The following CUX2 variants were observed in gnomAD, a reference collection of about 807,000 sequenced individuals.
CUX2 encodes homeobox protein cut-like 2.
A neutral mutation model predicts 144.8 loss-of-function variants in CUX2; 40 were observed. The ratio of observed to expected loss-of-function variants is 0.28; its 90% CI spans 0.21 to 0.36. The LOEUF (loss-of-function observed/expected upper bound fraction) is 0.36, where lower values mean the gene tolerates loss of function less well. Ranked by LOEUF, CUX2 falls within the 10% of genes least tolerant of loss-of-function variation. The pLI is 1.00. For missense variants in CUX2, 1,615 were observed against 1,994.0 expected (o/e 0.81, Z 3.62); for synonymous variants, 827 against 875.6 (o/e 0.94, Z 0.98).
At chr12:111,179,540 T>A (rs1879036616) in intron 1 of CUX2, among the ~76,000 whole-genome samples, 1 of 152,144 alleles carries the variant, frequency 6.6e-6, no homozygotes, top group Non-Finnish European at 1.5e-5. Flanking sequence ...ATTGAATGGG[T>A]TAGAATGGTG....
intron 4 of CUX2, among the ~76,000 whole-genome samples, chr12:111,280,492 A>G (rs144615960): frequency 6.6e-6 from 1 of 152,114 alleles, no homozygotes; most frequent in Non-Finnish European, 1.5e-5. Flanking sequence ...AGCCTCCAAA[A>G]CACAGCAGAG....
chr12:111,329,137 T>C (rs76059240), intron 18 of CUX2, among the ~76,000 whole-genome samples: 1,574 of 149,574 alleles, frequency 0.011, 24 homozygotes, highest in African/African-American at 0.037. Context: ...TGCACCATCC[T>C]TATCTCTCCA....
intron 16 of CUX2, among the ~76,000 whole-genome samples, chr12:111,317,714 G>A (rs949405143): frequency 1.2e-4 from 18 of 152,198 alleles, no homozygotes; most frequent in Admixed American, 5.9e-4. Context: ...ATGTGATACC[G>A]ACCGGGCGCG....
In CUX2 at chr12:111,347,613, G is replaced by T; in HGVS notation, c.3749G>T (p.Gly1250Val). 6.2e-7 allele frequency: 1 copy of T among 1,613,798 alleles called. No homozygotes were observed. The highest frequency in any genetic ancestry group is 8.5e-7 in the Non-Finnish European group (1 of 1,179,900). ...PSGGPGILPP[G>V]HSHPDPTPQS... Reference sequence around the variant, plus strand: ...GGGGGTCCTGGAATCCTACCGCCAGGCCACTCCCACCCAGACCCCACCCCG... The same window carrying T: ...GGGGGTCCTGGAATCCTACCGCCAGTCCACTCCCACCCAGACCCCACCCCG... The change falls in exon 22 of 22, where the codon GGC becomes GTC. Residue 1250 changes from glycine to valine, a missense_variant. Physicochemically the swap from Gly to Val is moderately radical, Grantham distance 109 (BLOSUM62 -3). Coordinates refer to ENST00000261726, the MANE Select transcript of CUX2 (RefSeq NM_015267.4).
chr12:111,115,496 A>T lies in CUX2; in HGVS notation c.63+81256A>T, dbSNP rs549170016. 1.2e-4 allele frequency among the ~76,000 whole-genome samples: 18 copies of T among 152,200 alleles called. No individual in the cohort carries two copies. The South Asian group carries it at 3.5e-3, about 30-fold the overall frequency. On this transcript the variant is annotated intron_variant, in intron 1 of 21. Transcript: ENST00000261726. ...GAGATGGGGTTTCACCATGTTAGCC[A>T]GGATGGTCTCAATCTCCTGACCTCG...
At chr12:111,170,673 C>T (rs1264296908) in intron 1 of CUX2, among the ~76,000 whole-genome samples, 1 of 151,184 alleles carries the variant, frequency 6.6e-6, no homozygotes, top group East Asian at 2.0e-4. Context: ...GATGACAAAG[C>T]CTGGGTTCTT....
chr12:111,165,335 A>G (rs548754214), intron 1 of CUX2, among the ~76,000 whole-genome samples: 1 of 152,340 alleles, frequency 6.6e-6, no homozygotes, highest in African/African-American at 2.4e-5. Context: ...GGACGTCTTC[A>G]GAGCCAAACC....
In CUX2 at chr12:111,077,221, C is replaced by T. The variant is rs753216642; in HGVS notation, c.63+42981C>T. Among the ~76,000 whole-genome samples the T allele has an allele frequency of 1.3e-5, 2 of 152,208 alleles. No individual in the cohort carries two copies. Among genetic ancestry groups the T allele is most frequent in the Non-Finnish European group, 1.5e-5 (1 of 68,036 alleles). On this transcript the variant is annotated intron_variant, in intron 1 of 21. Coordinates refer to ENST00000261726, the MANE Select transcript of CUX2 (RefSeq NM_015267.4). This position sits in a 1 kb window ranked among gnomAD's most constrained non-coding sequence, Gnocchi z 4.1. ...GTGCTCCCAAACCCCGCAGCGCCCCCGAGGCCCAAGCTGGCCTCTGCCTGC... is the reference window on the plus strand; with the variant it reads ...GTGCTCCCAAACCCCGCAGCGCCCCTGAGGCCCAAGCTGGCCTCTGCCTGC...
chr12:111,298,449 C>T (rs1886124176), intron 8 of CUX2, 92 bp from the exon 9 acceptor site: 1 of 1,383,188 alleles, frequency 7.2e-7, no homozygotes, highest in Non-Finnish European at 9.9e-7. Flanking sequence ...CAGCCCTCCC[C>T]TGGGCTCAGG....
intron 3 of CUX2, among the ~76,000 whole-genome samples, chr12:111,232,656 G>A (rs1315697651): frequency 1.3e-5 from 2 of 152,132 alleles, no homozygotes; most frequent in African/African-American, 4.8e-5. Context: ...ACTGAGGTAC[G>A]GCTGTTGATA....
rs1881798993 is a variant in CUX2 at position 111,220,718 on chromosome 12, G to A, written c.222+2781G>A. Among the ~76,000 whole-genome samples the A allele has an allele frequency of 4.2e-5, 5 of 117,900 alleles. No homozygotes were observed. In the South Asian group the frequency reaches 1.1e-3, roughly 27 times the overall value. The allele number at this position is 117,900 out of a possible 152,430, so 77.3% of individuals were successfully genotyped here. On this transcript the variant is annotated intron_variant, in intron 3 of 21. Coordinates refer to ENST00000261726, the MANE Select transcript of CUX2 (RefSeq NM_015267.4). ...GGCCAGGAGTTTGAGACCAGCCTGG[G>A]CAATATAATGAGACCTCATCTCTGC... is the stretch of plus-strand genomic sequence containing the variant.
rs116003760 is a variant in CUX2 at position 111,296,486 on chromosome 12, G to C, written c.651G>C (p.Thr217=). The C allele has an allele frequency of 6.2e-7, 1 of 1,609,718 alleles. No individual in the cohort carries two copies. The highest frequency in any genetic ancestry group is 8.5e-7 in the Non-Finnish European group (1 of 1,177,920). ...IKVLHSALKA[T]QAELLELRRK... ...GCTTTCTCCCAGCGCTAAAGGCTAC[G>C]CAGGCAGAGCTGCTAGAGCTGCGGC... The change falls in exon 8 of 22, where the codon ACG becomes ACC. Residue 217 remains threonine, a synonymous_variant. Transcript: ENST00000261726.
chr12:111,236,264 G>A (rs1055612349), intron 3 of CUX2, among the ~76,000 whole-genome samples: 5 of 152,120 alleles, frequency 3.3e-5, no homozygotes, highest in Non-Finnish European at 4.4e-5. Flanking sequence ...CCTCAAACAC[G>A]CTGCAGACCA....
rs566568875 is a variant in CUX2 at position 111,293,133 on chromosome 12, A to AT, written c.437-313_437-312insT. 8.3e-4 allele frequency among the ~76,000 whole-genome samples: 127 copies of AT among 152,200 alleles called. No homozygotes were observed. The highest frequency in any genetic ancestry group is 1.4e-3 in the African/African-American group (59 of 41,498). On this transcript the variant is annotated intron_variant, in intron 5 of 21. Transcript: ENST00000261726. The surrounding 1 kb of genome is among the most constrained non-coding windows in gnomAD (Gnocchi z 4.5). ...AACAGACCAAGACTCCGTCTCAAAA[A>AT]AAAAATAAAAAATAAAAAAAGGTGA...
chr12:111,258,081 T>C (rs1883929220), intron 3 of CUX2, among the ~76,000 whole-genome samples: 1 of 152,214 alleles, frequency 6.6e-6, no homozygotes, highest in African/African-American at 2.4e-5. Context: ...ATGGGACTCT[T>C]TGCTGCATGT....
At position 111,036,589 on chromosome 12, in the gene CUX2, G is replaced by A. The variant is rs909353203; in HGVS notation, c.63+2349G>A. On this transcript the variant is annotated intron_variant, in intron 1 of 21. Transcript: ENST00000261726. The stretch of plus-strand genomic sequence containing the variant: ...TGGAGGGGTTTGTTCAGGTGATGGG[G>A]AGATAGGACCCAGACCTCCCAGCCT... 4.2e-4 allele frequency among the ~76,000 whole-genome samples: 64 copies of A among 151,930 alleles called. 2 individuals carry two copies. Among genetic ancestry groups the A allele is most frequent in the Admixed American group, 3.8e-3 (58 of 15,252 alleles).
intron 8 of CUX2, among the ~76,000 whole-genome samples, chr12:111,297,733 G>T (rs933307): frequency 0.43 from 65,236 of 152,020 alleles, 18,530 homozygotes; most frequent in East Asian, 0.89. Flanking sequence ...AACATGACCC[G>T]GTCCTCAGTC....
chr12:111,092,017 G>T (rs1293303385), intron 1 of CUX2, among the ~76,000 whole-genome samples: 2 of 152,212 alleles, frequency 1.3e-5, no homozygotes, highest in Non-Finnish European at 2.9e-5. Context: ...ACTGCACCCA[G>T]CCAAGCTCTA....
At chr12:111,227,423 C>T (rs1445900310) in intron 3 of CUX2, among the ~76,000 whole-genome samples, 3 of 151,944 alleles carry the variant, frequency 2.0e-5, no homozygotes, top group Non-Finnish European at 4.4e-5. Context: ...GACCTACCTC[C>T]TAGGGAGGCT....
Sources: gnomAD v4.1 joint callset for allele counts (sites outside exome capture counted in the v4.1 genomes callset) on GRCh38, gnomAD v4.1.1 for gene constraint, Gnocchi (gnomAD v3.1) non-coding constraint, MANE v1.5 for transcripts, NCBI Gene and HGNC (gene_info 2026-07-23, HGNC 2026-07-21) for gene names.